SLC19A1: variants seen among roughly 807,000 people sequenced by gnomAD.
SLC19A1 encodes the protein solute carrier family 19 member 1.
SLC19A1 carries 37 observed loss-of-function variants against 35.3 expected under a neutral mutation model. The ratio of observed to expected loss-of-function variants is 1.05; its 90% confidence interval spans 0.81 to 1.38. The LOEUF (loss-of-function observed/expected upper bound fraction) is 1.38. Among genes scored for constraint, SLC19A1 ranks in the 40% most tolerant of loss-of-function variants. SLC19A1 has a pLI of 0.00. For synonymous variants in SLC19A1, 460 were observed against 398.5 expected (o/e 1.15, Z -1.84); for missense variants, 831 against 826.9 (o/e 1.00, Z -0.06).
In SLC19A1 at chr21:45,514,429, G is replaced by C. The variant is rs1232402654; in HGVS notation, c.*1229C>G. The C allele has an allele frequency of 6.6e-6, 1 of 152,520 alleles. No homozygotes were observed. The allele number at this position is 152,520 out of a possible 1,614,324, so 9.4% of individuals were successfully genotyped here. On this transcript the variant is annotated 3_prime_UTR_variant, in exon 6 of 6. Coordinates refer to ENST00000311124, the MANE Select transcript of SLC19A1 (RefSeq NM_194255.4). ...CCTGCTCCCCTGAGCCACCTCGGGAGACCCCTGGGTCCAGCAGCTCCAGCA... is the reference window on the plus strand; with the variant it reads ...CCTGCTCCCCTGAGCCACCTCGGGACACCCCTGGGTCCAGCAGCTCCAGCA...
At chr21:45,505,045 G>T in intron 3 of SLC19A1, 4 of 1,518,916 alleles carry the variant, frequency 2.6e-6, no homozygotes, top group South Asian at 1.2e-5. Context: ...CTCGCCAAGG[G>T]GGTCTTGGCA....
intron 3 of SLC19A1, chr21:45,505,011 G>A (rs999578917): frequency 4.0e-6 from 5 of 1,258,050 alleles, no homozygotes; most frequent in Non-Finnish European, 5.6e-6. Flanking sequence ...GGGCAGGGAG[G>A]GGACCGGTGA....
upstream of SLC19A1, among the ~76,000 whole-genome samples, chr21:45,545,293 T>G (rs748062523): frequency 1.3e-5 from 2 of 152,084 alleles, no homozygotes; most frequent in African/African-American, 2.4e-5. Context: ...CATGAATGGC[T>G]TAGCACCATC....
At chr21:45,525,393 G>C (rs1030603820) in intron 5 of SLC19A1, among the ~76,000 whole-genome samples, 2 of 152,240 alleles carry the variant, frequency 1.3e-5, no homozygotes, top group African/African-American at 4.8e-5. Flanking sequence ...CGCGAGAGGT[G>C]GGAAAGGGGA....
downstream of SLC19A1, chr21:45,509,512 G>A (rs199836125): frequency 6.1e-4 from 927 of 1,530,224 alleles, 6 homozygotes; most frequent in African/African-American, 0.011. Context: ...GCCCTACCCC[G>A]GAGCCCCGCA....
upstream of SLC19A1, among the ~76,000 whole-genome samples, chr21:45,548,323 A>G (rs769846339): frequency 6.6e-6 from 1 of 152,198 alleles, no homozygotes; most frequent in Admixed American, 6.5e-5. Flanking sequence ...CCAGTGACAC[A>G]GGAAGCAAAC....
chr21:45,560,527 C>T (rs1373702489), intron 1 of SLC19A1, among the ~76,000 whole-genome samples: 1 of 150,992 alleles, frequency 6.6e-6, no homozygotes, highest in Non-Finnish European at 1.5e-5. Context: ...TGGGATGTGG[C>T]ACTGGCACCA....
chr21:45,507,580 T>G (rs747909852), downstream of SLC19A1: 5 of 1,613,070 alleles, frequency 3.1e-6, no homozygotes, highest in Non-Finnish European at 4.2e-6. Flanking sequence ...CGGACACCAC[T>G]CCCACGAGGG....
downstream of SLC19A1, chr21:45,509,622 G>A (rs1263314280): frequency 3.0e-6 from 4 of 1,339,652 alleles, no homozygotes; most frequent in East Asian, 1.0e-4. Flanking sequence ...CCCCAAAGTG[G>A]GCTTGGCTCC....
chr21:45,505,389 T>C, intron 3 of SLC19A1: 9 of 1,570,868 alleles, frequency 5.7e-6, no homozygotes, highest in Non-Finnish European at 5.2e-6. Context: ...CGGGCCCCCC[T>C]GGGCCCCCTG....
rs1440933528 is a variant in SLC19A1 at position 45,530,694 on chromosome 21, T to C, written c.1151+76A>G. ...CAGCCGCTGGGGCGCAGCAGGAAGGTGGGAGCACCCAGCGAAGCGCGGGGC... is the reference window on the plus strand; with the variant it reads ...CAGCCGCTGGGGCGCAGCAGGAAGGCGGGAGCACCCAGCGAAGCGCGGGGC... On this transcript the variant is annotated intron_variant, in intron 4 of 5. Coordinates refer to ENST00000311124, the MANE Select transcript of SLC19A1 (RefSeq NM_194255.4). This position sits in a 1 kb window ranked among gnomAD's most constrained non-coding sequence, Gnocchi z 5.3. 1.3e-5 allele frequency: 18 copies of C among 1,437,218 alleles called. No homozygotes were observed. Among genetic ancestry groups the C allele is most frequent in the Non-Finnish European group, 1.7e-5 (18 of 1,056,990 alleles). The allele number at this position is 1,437,218 out of a possible 1,614,324, so 89.0% of individuals were successfully genotyped here. A position where few individuals can be genotyped will look rare whatever the true frequency, so the allele number is the denominator to read the frequency against.
At chr21:45,562,159 G>T (rs1352716168) in intron 1 of SLC19A1, among the ~76,000 whole-genome samples, 2 of 145,518 alleles carry the variant, frequency 1.4e-5, no homozygotes, top group Admixed American at 6.8e-5. Flanking sequence ...GACAAATCCA[G>T]AAATGCACAC....
At chr21:45,511,068 A>ACC, downstream of SLC19A1, 1 of 768,284 alleles carries the variant, frequency 1.3e-6, no homozygotes, top group Non-Finnish European at 2.0e-6. Flanking sequence ...ACCCATCCAC[A>ACC]CCCCCACACA....
chr21:45,511,581 G>A (rs1418617384), downstream of SLC19A1, among the ~76,000 whole-genome samples: 12 of 152,172 alleles, frequency 7.9e-5, no homozygotes, highest in East Asian at 9.7e-4. Flanking sequence ...AGGGCAACAC[G>A]GAGTCCGAGC....
downstream of SLC19A1, chr21:45,512,352 A>G (rs1252008301): frequency 1.9e-6 from 3 of 1,612,750 alleles, no homozygotes; most frequent in East Asian, 2.2e-5. Flanking sequence ...CATCACGCCT[A>G]CATCGTGCTC....
intron 1 of SLC19A1, among the ~76,000 whole-genome samples, chr21:45,560,060 T>G (rs1245102869): frequency 1.3e-5 from 2 of 151,446 alleles, no homozygotes; most frequent in Non-Finnish European, 2.9e-5. Context: ...GCTCCCAAAA[T>G]GTAGGAAACT....
At chr21:45,505,177 G>T in intron 3 of SLC19A1, 2 of 1,606,526 alleles carry the variant, frequency 1.2e-6, no homozygotes, top group Non-Finnish European at 1.7e-6. Flanking sequence ...GGCCCACCTG[G>T]ACCTCAGGGA....
At position 45,527,738 on chromosome 21, in the gene SLC19A1, G is replaced by A. The variant is rs183616110; in HGVS notation, c.1152-1780C>T. Among the ~76,000 whole-genome samples the A allele has an allele frequency of 8.1e-4, 101 of 124,666 alleles. 3 individuals carry two copies. The South Asian group carries it at 0.021, about 26-fold the overall frequency. 81.8% of individuals were successfully genotyped at this position (124,666 alleles called of 152,430 possible). A position where few individuals can be genotyped will look rare whatever the true frequency, so the allele number is the denominator to read the frequency against. Reference sequence around the variant, plus strand: ...GCAGTCAGTTACTGCGGGCCCTGGAGGTGAGTGGCAGCAGGGCAGGGTGGG... The same window carrying A: ...GCAGTCAGTTACTGCGGGCCCTGGAAGTGAGTGGCAGCAGGGCAGGGTGGG... On this transcript the variant is annotated intron_variant, in intron 4 of 5. Coordinates refer to ENST00000311124, the MANE Select transcript of SLC19A1 (RefSeq NM_194255.4).
intron 2 of SLC19A1, chr21:45,536,086 G>C (rs1262719084): frequency 2.5e-5 from 7 of 282,576 alleles, no homozygotes; most frequent in Non-Finnish European, 3.8e-5. Context: ...AGCTCTCCCC[G>C]GGCCTCTCCT....
Sources: allele counts gnomAD v4.1 joint callset (sites outside exome capture counted in the v4.1 genomes callset), GRCh38; gene constraint gnomAD v4.1.1; non-coding constraint Gnocchi (gnomAD v3.1); transcripts MANE v1.5; gene names NCBI Gene and HGNC (gene_info 2026-07-23, HGNC 2026-07-21).